The following CPXM2 variants were observed in gnomAD, a reference collection of about 807,000 sequenced individuals.
The protein encoded by CPXM2 is carboxypeptidase X, M14 family member 2.
A neutral mutation model predicts 86.1 loss-of-function variants in CPXM2; 66 were observed. That is an observed-to-expected ratio of 0.77 (90% CI 0.63 to 0.94). The LOEUF (loss-of-function observed/expected upper bound fraction) is 0.94, where lower values mean the gene tolerates loss of function less well. CPXM2 is among the 40% of genes least tolerant of loss of function. The pLI, the probability that CPXM2 is intolerant of heterozygous loss-of-function variation, is 0.00. For synonymous variants in CPXM2, 388 were observed against 400.2 expected, an observed-to-expected ratio of 0.97 and a Z score of 0.36; for missense variants, 948 against 1,026.3, an observed-to-expected ratio of 0.92 and a Z score of 1.04.
chr10:123,901,882 A>G (rs1438386982), intron 2 of CPXM2, among the ~76,000 whole-genome samples: 1 of 152,204 alleles, frequency 6.6e-6, no homozygotes, highest in Non-Finnish European at 1.5e-5. Flanking sequence ...TTGACCAATC[A>G]GAACTCAGCT....
At chr10:123,853,860 G>A (rs182300234) in intron 3 of CPXM2, among the ~76,000 whole-genome samples, 30 of 152,184 alleles carry the variant, frequency 2.0e-4, no homozygotes, top group East Asian at 1.5e-3. Context: ...AGCAGAGATC[G>A]TGCCACTGCA....
intron 2 of CPXM2, among the ~76,000 whole-genome samples, chr10:123,935,450 C>T (rs1443770787): frequency 6.6e-6 from 1 of 152,188 alleles, no homozygotes; most frequent in Admixed American, 6.5e-5. Flanking sequence ...TCTCATGAAA[C>T]CATACCTTGG....
chr10:123,859,322 TTTAA>T (rs1245114652), intron 3 of CPXM2, among the ~76,000 whole-genome samples: 4 of 152,272 alleles, frequency 2.6e-5, no homozygotes, highest in Admixed American at 2.6e-4. Flanking sequence ...ACACACTGAC[TTTAA>T]TTATGCACCT....
chr10:123,747,126 G>T, intron 13 of CPXM2, 109 bp from the exon 14 acceptor site: 1 of 1,334,100 alleles, frequency 7.5e-7, no homozygotes. Context: ...TCTCAGGCTG[G>T]CAACGTGGAA....
intron 4 of CPXM2, among the ~76,000 whole-genome samples, chr10:123,804,131 A>C (rs1847527746): frequency 6.6e-6 from 1 of 152,156 alleles, no homozygotes; most frequent in Non-Finnish European, 1.5e-5. Flanking sequence ...ATCCTATCCT[A>C]AATCTGTCTT....
chr10:123,798,174 C>A, intron 5 of CPXM2, 48 bp from the exon 6 acceptor site: 1 of 1,509,920 alleles, frequency 6.6e-7, no homozygotes, highest in South Asian at 1.4e-5. Context: ...TGCTTAATTA[C>A]CAAGGGATAA....
chr10:123,759,914 T>C (rs139672120), intron 11 of CPXM2, among the ~76,000 whole-genome samples: 1 of 151,878 alleles, frequency 6.6e-6, no homozygotes, highest in African/African-American at 2.4e-5. Context: ...CATTAACTAG[T>C]GCCTGGCAGG....
chr10:123,932,424 A>T (rs1477520781), intron 2 of CPXM2, among the ~76,000 whole-genome samples: 1 of 152,232 alleles, frequency 6.6e-6, no homozygotes, highest in Non-Finnish European at 1.5e-5. Context: ...CCAGCAGATG[A>T]TATTTCCCAC....
chr10:123,917,824 A>T (rs1181675270), intron 2 of CPXM2, among the ~76,000 whole-genome samples: 1 of 152,188 alleles, frequency 6.6e-6, no homozygotes, highest in Non-Finnish European at 1.5e-5. Context: ...ATGCCTCAAC[A>T]CTGTGCTATA....
intron 4 of CPXM2, among the ~76,000 whole-genome samples, chr10:123,819,218 C>T (rs12252294): frequency 0.22 from 32,773 of 152,010 alleles, 4,118 homozygotes; most frequent in East Asian, 0.42. Context: ...GCATGGACTA[C>T]GGGAGATCCA....
At chr10:123,785,913 G>A (rs1182311300) in intron 6 of CPXM2, among the ~76,000 whole-genome samples, 1 of 152,134 alleles carries the variant, frequency 6.6e-6, no homozygotes, top group Non-Finnish European at 1.5e-5. Context: ...GATTACAGGT[G>A]TAAGCCACCG....
At chr10:123,854,792 C>A (rs534693184) in intron 3 of CPXM2, among the ~76,000 whole-genome samples, 4 of 152,016 alleles carry the variant, frequency 2.6e-5, no homozygotes, top group Admixed American at 2.6e-4. Flanking sequence ...GCACGTCTCC[C>A]AGCAATCAGG....
intron 3 of CPXM2, among the ~76,000 whole-genome samples, chr10:123,843,457 G>A (rs186438476): frequency 0.011 from 1,308 of 120,254 alleles, 16 homozygotes; most frequent in Middle Eastern, 0.065. Context: ...TTTTTGAGAC[G>A]GAGTCTCGCT....
chr10:123,808,359 A>AAACAACAAC (rs57892592), intron 4 of CPXM2, among the ~76,000 whole-genome samples: 2,784 of 150,282 alleles, frequency 0.019, 84 homozygotes, highest in African/African-American at 0.062. Flanking sequence ...GGGCAAACAA[A>AAACAACAAC]AACAACAACA....
Position 123,799,106 on chromosome 10 carries a change from G to A in CPXM2, c.738+9C>T. On this transcript the variant is annotated intron_variant, in intron 5 of 13. Transcript: ENST00000241305. ...AGAAAGGCATGGTTAAATGGAGGATGAGACTCACCATGTCTCCAGATCCAT... is the reference window on the plus strand; with the variant it reads ...AGAAAGGCATGGTTAAATGGAGGATAAGACTCACCATGTCTCCAGATCCAT... The A allele has an allele frequency of 6.2e-7, 1 of 1,613,930 alleles. No individual in the cohort carries two copies. Among genetic ancestry groups the A allele is most frequent in the Non-Finnish European group, 8.5e-7 (1 of 1,179,972 alleles).
At chr10:123,888,152 G>A (rs74162965) in intron 1 of CPXM2, among the ~76,000 whole-genome samples, 1,783 of 152,198 alleles carry the variant, frequency 0.012, 29 homozygotes, top group African/African-American at 0.041. Context: ...CATAAACCCC[G>A]CTACAGGGTT....
rs2134241516 is a variant in CPXM2 at position 123,885,578 on chromosome 10, C to T, written c.305-5269G>A. On this transcript the variant is annotated intron_variant, in intron 1 of 13. Transcript: ENST00000241305. This position sits in a 1 kb window ranked among gnomAD's most constrained non-coding sequence, Gnocchi z 4.0. ...TGCCATGCTAACCATCCTATGATGC[C>T]CAACGAGTAGCCAGCTGGCTGCCAG... Among the ~76,000 whole-genome samples, 1 of 152,304 alleles carries T rather than the reference C, an allele frequency of 6.6e-6. No homozygotes were observed. Among genetic ancestry groups the T allele is most frequent in the African/African-American group, 2.4e-5 (1 of 41,566 alleles).
chr10:123,842,940 C>A (rs1036165101), intron 3 of CPXM2, among the ~76,000 whole-genome samples: 1 of 152,088 alleles, frequency 6.6e-6, no homozygotes, highest in African/African-American at 2.4e-5. Context: ...CAAACCGCTG[C>A]GGGAGCATTT....
intron 2 of CPXM2, among the ~76,000 whole-genome samples, chr10:123,925,619 C>T (rs1440224412): frequency 6.6e-6 from 1 of 152,204 alleles, no homozygotes; most frequent in Non-Finnish European, 1.5e-5. Flanking sequence ...AAATTGGCAT[C>T]TCTTGCCTCT....
Sources: gnomAD v4.1 joint callset for allele counts (sites outside exome capture counted in the v4.1 genomes callset) on GRCh38, gnomAD v4.1.1 for gene constraint, Gnocchi (gnomAD v3.1) non-coding constraint, MANE v1.5 for transcripts, NCBI Gene and HGNC (gene_info 2026-07-23, HGNC 2026-07-21) for gene names.